Variants in ARSB observed in about 807,000 individuals in gnomAD.
ARSB encodes N-acetylgalactosamine-4-sulfatase.
In ARSB, 41 loss-of-function variants were observed where a neutral mutation model predicts 50.9. The ratio of observed to expected loss-of-function variants is 0.81; its 90% CI spans 0.63 to 1.04. ARSB has a LOEUF of 1.04. Ranked by LOEUF, ARSB falls within the 50% of genes least tolerant of loss-of-function variation. The probability of loss-of-function intolerance (pLI) is 0.00; values close to 1 mark genes in which losing one functional copy is unlikely to be tolerated. For missense variants in ARSB, 672 were observed against 693.3 expected, an observed-to-expected ratio of 0.97 and a Z score of 0.35; for synonymous variants, 269 against 284.8, an observed-to-expected ratio of 0.94 and a Z score of 0.56.
chr5:78,821,688 A>G (rs1055300868), intron 6 of ARSB, among the ~76,000 whole-genome samples: 2 of 152,234 alleles, frequency 1.3e-5, no homozygotes, highest in Admixed American at 6.5e-5. Flanking sequence ...GGCGGTGCAT[A>G]TCTTCTAGAA....
chr5:78,962,762 A>T (rs561244516), intron 3 of ARSB, among the ~76,000 whole-genome samples: 1 of 152,202 alleles, frequency 6.6e-6, no homozygotes, highest in African/African-American at 2.4e-5. Context: ...GTTGTATAAC[A>T]TTTGATAGTG....
At chr5:78,895,842 G>A (rs572103840) in intron 4 of ARSB, among the ~76,000 whole-genome samples, 1 of 152,330 alleles carries the variant, frequency 6.6e-6, no homozygotes, top group East Asian at 1.9e-4. Context: ...CAATCACTCA[G>A]AGCCAGGGGA....
chr5:78,898,105 T>C (rs1475436581), intron 4 of ARSB, among the ~76,000 whole-genome samples: 1 of 152,002 alleles, frequency 6.6e-6, no homozygotes, highest in Non-Finnish European at 1.5e-5. Context: ...CCGGCTCTAC[T>C]AAAAATACAA....
At chr5:78,869,576 C>T (rs950365785) in intron 5 of ARSB, among the ~76,000 whole-genome samples, 8 of 149,398 alleles carry the variant, frequency 5.4e-5, no homozygotes, top group Admixed American at 2.0e-4. Context: ...GGGTACATAA[C>T]GAAATGAAGG....
intron 4 of ARSB, among the ~76,000 whole-genome samples, chr5:78,910,506 T>A (rs1426941576): frequency 6.6e-6 from 1 of 152,240 alleles, no homozygotes; most frequent in Non-Finnish European, 1.5e-5. Flanking sequence ...TATTAAAGTT[T>A]CCATGATAAT....
Position 78,944,450 on chromosome 5 carries a change from G to A in ARSB, c.898+10845C>T, listed in dbSNP as rs765450820. On this transcript the variant is annotated intron_variant, in intron 4 of 7. Transcript: ENST00000264914. ...TTTGATGATGGTGATTTACAGATGG[G>A]GTTTTGGTGTGGATGTCCTTTCTGT... Among the ~76,000 whole-genome samples, 23 of 152,180 alleles carry A rather than the reference G, an allele frequency of 1.5e-4. 1 individual carries two copies. Among genetic ancestry groups the A allele is most frequent in the Non-Finnish European group, 2.8e-4 (19 of 68,040 alleles).
chr5:78,972,502 T>C (rs2112541262), intron 1 of ARSB, among the ~76,000 whole-genome samples: 1 of 116,032 alleles, frequency 8.6e-6, no homozygotes, highest in African/African-American at 4.2e-5. Flanking sequence ...TCTTAGCACA[T>C]TTGCACGCAT....
chr5:78,951,094 C>T (rs903062932), intron 4 of ARSB, among the ~76,000 whole-genome samples: 6 of 152,118 alleles, frequency 3.9e-5, no homozygotes, highest in African/African-American at 1.2e-4. Flanking sequence ...GGACTAATCG[C>T]TTAATTTCTT....
At chr5:78,969,312 T>C in intron 1 of ARSB, 120 bp from the exon 2 acceptor site, 1 of 1,053,726 alleles carries the variant, frequency 9.5e-7, no homozygotes, top group South Asian at 1.4e-5. Flanking sequence ...ACTCTATTCC[T>C]GTACTGGCTT....
intron 5 of ARSB, among the ~76,000 whole-genome samples, chr5:78,857,692 C>T (rs1241038580): frequency 6.6e-6 from 1 of 152,194 alleles, no homozygotes; most frequent in Non-Finnish European, 1.5e-5. Context: ...TGTTTACCCC[C>T]ATCCCAGCAC....
At chr5:78,857,808 C>T (rs529618730) in intron 5 of ARSB, among the ~76,000 whole-genome samples, 8 of 152,266 alleles carry the variant, frequency 5.3e-5, no homozygotes, top group African/African-American at 7.2e-5. Context: ...ACCTCTAAAC[C>T]GGTGAAGTTG....
chr5:78,977,422 G>A (rs1035961499), intron 1 of ARSB, among the ~76,000 whole-genome samples: 1 of 152,126 alleles, frequency 6.6e-6, no homozygotes, highest in Non-Finnish European at 1.5e-5. Context: ...CCAAAGTGCT[G>A]GGATTACAGA....
At position 78,895,012 on chromosome 5, in the gene ARSB, A is replaced by T. The variant is rs554516278; in HGVS notation, c.899-9185T>A. ...GCAGGAGACAAAGGGATGAACAGCC[A>T]AGGGCCAGGATAAAAAACCAAACCA... On this transcript the variant is annotated intron_variant, in intron 4 of 7. Transcript: ENST00000264914. Among the ~76,000 whole-genome samples, 171 of 152,342 alleles carry T rather than the reference A, an allele frequency of 1.1e-3. 1 individual carries two copies. The highest frequency in any genetic ancestry group is 3.8e-3 in the African/African-American group (158 of 41,578).
chr5:78,969,960 A>T (rs188552583), intron 1 of ARSB, among the ~76,000 whole-genome samples: 6 of 152,268 alleles, frequency 3.9e-5, no homozygotes, highest in African/African-American at 1.2e-4. Flanking sequence ...TGCATTTTTT[A>T]TTCTACTTTA....
At chr5:78,909,475 T>C (rs1749208130) in intron 4 of ARSB, among the ~76,000 whole-genome samples, 1 of 152,216 alleles carries the variant, frequency 6.6e-6, no homozygotes, top group South Asian at 2.1e-4. Context: ...TGCCCTGAGA[T>C]GCTGTTAATC....
At chr5:78,942,447 G>A (rs1750984995) in intron 4 of ARSB, among the ~76,000 whole-genome samples, 1 of 152,130 alleles carries the variant, frequency 6.6e-6, no homozygotes, top group African/African-American at 2.4e-5. Flanking sequence ...TCTACACACT[G>A]CTTTGAATGT....
chr5:78,841,168 C>CTACTACTAATAATAAAAATAA (rs368030435), intron 5 of ARSB, among the ~76,000 whole-genome samples: 1 of 132,002 alleles, frequency 7.6e-6, no homozygotes, highest in African/African-American at 2.9e-5. Context: ...ACTACTACTA[C>CTACTACTAATAATAAAAATAA]TAATAATAAT....
chr5:78,877,431 C>T (rs900194087), intron 5 of ARSB, among the ~76,000 whole-genome samples: 21 of 152,112 alleles, frequency 1.4e-4, no homozygotes, highest in African/African-American at 5.1e-4. Flanking sequence ...GTCTGTTGCT[C>T]AGGTTGGAGT....
chr5:78,958,239 C>A (rs1376505718), intron 3 of ARSB, among the ~76,000 whole-genome samples: 1 of 152,006 alleles, frequency 6.6e-6, no homozygotes, highest in Admixed American at 6.6e-5. Context: ...TGGCAGGGGG[C>A]AGGGGATACA....
Sources: gnomAD v4.1 joint callset for allele counts (sites outside exome capture counted in the v4.1 genomes callset) on GRCh38, gnomAD v4.1.1 for gene constraint, MANE v1.5 for transcripts, NCBI Gene and HGNC (gene_info 2026-07-23, HGNC 2026-07-21) for gene names.